The following EDIL3 variants were observed in gnomAD, a reference collection of about 807,000 sequenced individuals.
The protein encoded by EDIL3 is EGF-like repeat and discoidin I-like domain-containing protein 3.
A neutral mutation model predicts 67.4 loss-of-function variants in EDIL3; 37 were observed. That is an observed-to-expected ratio of 0.55 (90% CI 0.42 to 0.72). EDIL3 has a LOEUF of 0.72. EDIL3 is among the 30% of genes least tolerant of loss of function. EDIL3 has a pLI of 0.00. For synonymous variants in EDIL3, 195 were observed against 196.3 expected (o/e 0.99, Z 0.05); for missense variants, 527 against 586.3 (o/e 0.90, Z 1.04).
intron 9 of EDIL3, 105 bp from the exon 10 acceptor site, chr5:83,963,465 A>G: frequency 8.0e-7 from 1 of 1,251,060 alleles, no homozygotes; most frequent in South Asian, 1.8e-5. Context: ...TAAAATCAAA[A>G]ATCTGTCTAG....
intron 3 of EDIL3, among the ~76,000 whole-genome samples, chr5:84,207,660 C>T (rs1744013369): frequency 6.6e-6 from 1 of 151,778 alleles, no homozygotes; most frequent in African/African-American, 2.4e-5. Flanking sequence ...TACAAGGCTA[C>T]AGTAACCAAA....
At chr5:84,042,703 AC>A (rs1746154631) in intron 9 of EDIL3, among the ~76,000 whole-genome samples, 2 of 152,176 alleles carry the variant, frequency 1.3e-5, no homozygotes, top group African/African-American at 4.8e-5. Context: ...TATATTGGAT[AC>A]AGATATCTTG....
At chr5:84,373,270 A>G (rs1005183948) in intron 1 of EDIL3, among the ~76,000 whole-genome samples, 1 of 152,192 alleles carries the variant, frequency 6.6e-6, no homozygotes, top group African/African-American at 2.4e-5. Context: ...ATAACCACAA[A>G]GATGATTTTT....
chr5:83,968,697 T>G (rs1289363278), intron 9 of EDIL3, among the ~76,000 whole-genome samples: 2 of 151,956 alleles, frequency 1.3e-5, no homozygotes, highest in African/African-American at 4.8e-5. Context: ...AACAATTACC[T>G]GCAATTACAA....
chr5:84,073,860 A>G (rs1368215142), intron 6 of EDIL3, among the ~76,000 whole-genome samples: 2 of 152,142 alleles, frequency 1.3e-5, no homozygotes, highest in Non-Finnish European at 2.9e-5. Flanking sequence ...TAAAGTTCAT[A>G]TGGAACCAAA....
At chr5:84,074,407 A>T (rs558551714) in intron 6 of EDIL3, among the ~76,000 whole-genome samples, 5 of 152,346 alleles carry the variant, frequency 3.3e-5, no homozygotes, top group African/African-American at 1.2e-4. Flanking sequence ...CAGAGTGAAC[A>T]TTCAACCCAC....
At chr5:83,970,682 T>G (rs1293070837) in intron 9 of EDIL3, among the ~76,000 whole-genome samples, 1 of 129,164 alleles carries the variant, frequency 7.7e-6, no homozygotes, top group African/African-American at 2.8e-5. Context: ...TATATATATA[T>G]ATTTAAGAAC....
intron 3 of EDIL3, among the ~76,000 whole-genome samples, chr5:84,209,734 G>T (rs1032131152): frequency 2.0e-5 from 3 of 152,172 alleles, no homozygotes; most frequent in Admixed American, 2.0e-4. Flanking sequence ...TGGCAGTGCG[G>T]TAACACTGAG....
At chr5:84,066,147 G>A (rs1301280078) in intron 7 of EDIL3, among the ~76,000 whole-genome samples, 3 of 147,950 alleles carry the variant, frequency 2.0e-5, no homozygotes, top group African/African-American at 5.0e-5. Context: ...CGTTAATCAC[G>A]AAAGCAATAA....
At chr5:84,086,735 A>G (rs1485513245) in intron 6 of EDIL3, among the ~76,000 whole-genome samples, 1 of 152,156 alleles carries the variant, frequency 6.6e-6, no homozygotes, top group Admixed American at 6.5e-5. Context: ...GAGACAGTTC[A>G]GTTGTGAGTG....
Position 84,384,599 on chromosome 5 carries a change from G to A in EDIL3, c.-225C>T. The stretch of plus-strand genomic sequence containing the variant: ...TTTTGCCTGCGCTCCGGCGCGCGGA[G>A]GTGGGTGAGCTCCGGGGAGCCGCCG... On this transcript the variant is annotated 5_prime_UTR_variant, in exon 1 of 11. Transcript: ENST00000296591. 2.6e-6 allele frequency: 1 copy of A among 378,282 alleles called. No individual in the cohort carries two copies. Among genetic ancestry groups the A allele is most frequent in the East Asian group, 4.1e-5 (1 of 24,240 alleles). The allele number at this position is 378,282 out of a possible 1,614,324, so 23.4% of individuals were successfully genotyped here.
chr5:84,091,970 C>T (rs1747175541), intron 6 of EDIL3, among the ~76,000 whole-genome samples: 2 of 152,098 alleles, frequency 1.3e-5, no homozygotes, highest in African/African-American at 4.8e-5. Context: ...CATTTACCAA[C>T]ATAGGAGAAG....
At chr5:83,949,935 C>T (rs1191455743) in intron 10 of EDIL3, among the ~76,000 whole-genome samples, 1 of 151,830 alleles carries the variant, frequency 6.6e-6, no homozygotes, top group African/African-American at 2.4e-5. Flanking sequence ...GTGGGGTCTT[C>T]AGGTCAGCTT....
At chr5:83,977,532 G>T (rs2112144980) in intron 9 of EDIL3, among the ~76,000 whole-genome samples, 1 of 151,772 alleles carries the variant, frequency 6.6e-6, no homozygotes, top group African/African-American at 2.4e-5. Context: ...TATGTTTTCT[G>T]AAAGCTATAA....
At chr5:84,006,078 TTAA>T (rs142039045) in intron 9 of EDIL3, among the ~76,000 whole-genome samples, 6,491 of 139,802 alleles carry the variant, frequency 0.046, 374 homozygotes, top group African/African-American at 0.14. Context: ...CACAATAGCA[TTAA>T]TAATAATAAT....
chr5:84,310,537 G>C (rs940291175), intron 1 of EDIL3, among the ~76,000 whole-genome samples: 1 of 152,020 alleles, frequency 6.6e-6, no homozygotes, highest in African/African-American at 2.4e-5. Flanking sequence ...GGCAAGTGTT[G>C]AAAAAATAAA....
intron 1 of EDIL3, among the ~76,000 whole-genome samples, chr5:84,328,351 G>A (rs140295181): frequency 6.7e-4 from 102 of 151,960 alleles, no homozygotes; most frequent in African/African-American, 2.3e-3. Context: ...GCTTCCCCCC[G>A]TCACTACCAC....
intron 1 of EDIL3, among the ~76,000 whole-genome samples, chr5:84,322,447 G>T (rs1248598415): frequency 1.3e-5 from 2 of 152,066 alleles, no homozygotes; most frequent in Non-Finnish European, 2.9e-5. Flanking sequence ...TTCATTAGAA[G>T]TATCCAATGG....
chr5:84,342,772 G>A (rs1388412511), intron 1 of EDIL3, among the ~76,000 whole-genome samples: 1 of 151,930 alleles, frequency 6.6e-6, no homozygotes, highest in Non-Finnish European at 1.5e-5. Context: ...CTGAATAAGT[G>A]TTTGTTTCAT....
Sources: allele counts gnomAD v4.1 joint callset (sites outside exome capture counted in the v4.1 genomes callset), GRCh38; gene constraint gnomAD v4.1.1; transcripts MANE v1.5; gene names NCBI Gene and HGNC (gene_info 2026-07-23, HGNC 2026-07-21).